CFAP70: variants seen among roughly 807,000 people sequenced by gnomAD.
The protein encoded by CFAP70 is cilia- and flagella-associated protein 70.
In CFAP70, 81 loss-of-function variants were observed where a neutral mutation model predicts 137.6. The observed-to-expected ratio is 0.59, with a 90% CI of 0.49 to 0.71. The LOEUF (loss-of-function observed/expected upper bound fraction) is 0.71. Ranked by LOEUF, CFAP70 falls within the 30% of genes least tolerant of loss-of-function variation. The pLI, the probability that CFAP70 is intolerant of heterozygous loss-of-function variation, is 0.00. For synonymous variants in CFAP70, 382 were observed against 423.6 expected (o/e 0.90, Z 1.20); for missense variants, 976 against 1,226.7 (o/e 0.80, Z 3.05).
At chr10:73,261,584 A>G (rs2045196258) in intron 25 of CFAP70, among the ~76,000 whole-genome samples, 1 of 152,028 alleles carries the variant, frequency 6.6e-6, no homozygotes, top group Admixed American at 6.6e-5. Context: ...GAAAAGAGCC[A>G]CCCCCATAAT....
At chr10:73,336,795 C>A (rs1199147410) in intron 6 of CFAP70, among the ~76,000 whole-genome samples, 1 of 151,510 alleles carries the variant, frequency 6.6e-6, no homozygotes, top group Non-Finnish European at 1.5e-5. Context: ...TCACCGTGGT[C>A]TCGATCTCCT....
chr10:73,312,479 C>T (rs1307312115), exon 10 of CFAP70: 1 of 1,592,338 alleles, frequency 6.3e-7, no homozygotes, highest in Non-Finnish European at 8.5e-7. Flanking sequence ...CTACCACATC[C>T]CCAGGCCTAG....
intron 25 of CFAP70, among the ~76,000 whole-genome samples, chr10:73,257,852 TTTC>T (rs1275239472): frequency 4.6e-5 from 7 of 151,884 alleles, no homozygotes; most frequent in African/African-American, 7.3e-5. Flanking sequence ...TCCTTGTACA[TTTC>T]TTCTTCTTCT....
At chr10:73,327,305 T>C (rs550211395) in intron 8 of CFAP70, among the ~76,000 whole-genome samples, 2 of 150,678 alleles carry the variant, frequency 1.3e-5, no homozygotes, top group South Asian at 4.3e-4. Context: ...TGCTAAAAAC[T>C]CTCAATAAAT....
At chr10:73,336,523 C>T (rs943418975) in intron 6 of CFAP70, among the ~76,000 whole-genome samples, 1 of 151,202 alleles carries the variant, frequency 6.6e-6, no homozygotes, top group African/African-American at 2.4e-5. Context: ...TAAATGTTTC[C>T]ATCAGTGGAT....
intron 26 of CFAP70, 93 bp downstream of exon 27, chr10:73,256,276 C>T: frequency 7.1e-7 from 1 of 1,415,812 alleles, no homozygotes; most frequent in Non-Finnish European, 9.8e-7. Flanking sequence ...AAAATATTCA[C>T]ATTATGAAAG....
At chr10:73,324,498 C>T (rs1216001221) in intron 8 of CFAP70, among the ~76,000 whole-genome samples, 3 of 152,148 alleles carry the variant, frequency 2.0e-5, no homozygotes, top group Non-Finnish European at 4.4e-5. Context: ...ATGACTTTGA[C>T]GAGTTGAGAG....
At chr10:73,305,166 G>T (rs1416602853) in intron 12 of CFAP70, among the ~76,000 whole-genome samples, 1 of 152,182 alleles carries the variant, frequency 6.6e-6, no homozygotes, top group Non-Finnish European at 1.5e-5. Flanking sequence ...TGAGAGACTG[G>T]TGCAAGGCAC....
upstream of CFAP70, among the ~76,000 whole-genome samples, chr10:73,361,411 G>C (rs1033308189): frequency 1.0e-4 from 15 of 150,170 alleles, no homozygotes; most frequent in African/African-American, 3.4e-4. Flanking sequence ...TCCCACCTCA[G>C]CCTCCCGTGT....
At chr10:73,307,475 C>A (rs1471407207) in intron 12 of CFAP70, among the ~76,000 whole-genome samples, 1 of 152,104 alleles carries the variant, frequency 6.6e-6, no homozygotes, top group African/African-American at 2.4e-5. Flanking sequence ...CTACAAGATA[C>A]TCCCTTTAGA....
intron 9 of CFAP70, among the ~76,000 whole-genome samples, chr10:73,321,631 T>A (rs993719591): frequency 3.9e-5 from 6 of 152,088 alleles, no homozygotes; most frequent in Non-Finnish European, 8.8e-5. Flanking sequence ...GGAAGCAACA[T>A]GATGAAACTG....
At chr10:73,327,697 GACAA>G (rs1318046493) in intron 8 of CFAP70, among the ~76,000 whole-genome samples, 3 of 152,000 alleles carry the variant, frequency 2.0e-5, no homozygotes, top group Admixed American at 6.6e-5. Context: ...ACCAATAACA[GACAA>G]ACAGACAGCC....
At chr10:73,256,548 C>A in intron 25 of CFAP70, 132 bp from the exon 27 acceptor site, 3 of 853,970 alleles carry the variant, frequency 3.5e-6, no homozygotes, top group Non-Finnish European at 5.5e-6. Flanking sequence ...TTAAGAACTT[C>A]TGAATTGAGA....
intron 25 of CFAP70, among the ~76,000 whole-genome samples, chr10:73,258,926 G>T (rs1403429575): frequency 6.6e-6 from 1 of 152,158 alleles, no homozygotes; most frequent in Non-Finnish European, 1.5e-5. Flanking sequence ...CATTGATAAT[G>T]CGTGCCCAGT....
chr10:73,322,413 A>T (rs1353009342), intron 9 of CFAP70, among the ~76,000 whole-genome samples: 2 of 152,198 alleles, frequency 1.3e-5, no homozygotes, highest in Admixed American at 6.5e-5. Context: ...TCTCTATTTT[A>T]AAAAATGTTT....
chr10:73,316,630 C>T (rs925212044), intron 9 of CFAP70, among the ~76,000 whole-genome samples: 6 of 151,258 alleles, frequency 4.0e-5, no homozygotes, highest in Non-Finnish European at 8.8e-5. Flanking sequence ...TTACAATATA[C>T]ATCCTAACTA....
At chr10:73,290,044 C>CAAAAAAAAAAAAAAAAAAAA (rs397847750) in intron 19 of CFAP70, among the ~76,000 whole-genome samples, 30 of 72,140 alleles carry the variant, frequency 4.2e-4, no homozygotes, top group East Asian at 4.9e-4. Context: ...GACTCCATCT[C>CAAAAAAAAAAAAAAAAAAAA]AAAAAAAAAA....
intron 19 of CFAP70, among the ~76,000 whole-genome samples, chr10:73,280,719 C>A (rs1285876610): frequency 6.6e-6 from 1 of 152,132 alleles, no homozygotes; most frequent in Non-Finnish European, 1.5e-5. Context: ...TTGTTAATAA[C>A]TTCTCCTTAT....
chr10:73,309,657 A>AATT (rs1457228802), intron 12 of CFAP70, among the ~76,000 whole-genome samples: 1 of 131,104 alleles, frequency 7.6e-6, no homozygotes, highest in Non-Finnish European at 1.6e-5. Context: ...ATTTCCTAAG[A>AATT]ATTTTTTTTT....
Sources: gnomAD v4.1 joint callset for allele counts (sites outside exome capture counted in the v4.1 genomes callset) on GRCh38, gnomAD v4.1.1 for gene constraint, MANE v1.5 for transcripts, NCBI Gene and HGNC (gene_info 2026-07-23, HGNC 2026-07-21) for gene names.